Variants in YWHAZ observed in about 807,000 individuals in gnomAD.
The protein encoded by YWHAZ is 14-3-3 protein zeta/delta.
For missense variants in YWHAZ, 79 were observed against 284.8 expected (o/e 0.28, Z 5.20); for synonymous variants, 87 against 103.6 (o/e 0.84, Z 0.97).
In YWHAZ at chr8:100,941,117, T is replaced by C. The variant is rs552413365; in HGVS notation, c.294+7479A>G. On this transcript the variant is annotated intron_variant, in intron 2 of 5. Transcript: ENST00000395958. The stretch of plus-strand genomic sequence containing the variant: ...CTAAAGGACTCATCAAATTGTTGAA[T>C]TGAGAACTTGCCTGTTCTAGGCAAG... 2.6e-5 allele frequency among the ~76,000 whole-genome samples: 4 copies of C among 152,344 alleles called. No homozygotes were observed. The East Asian group carries it at 5.8e-4, about 22-fold the overall frequency.
At chr8:100,925,593 A>G (rs1171553279) in intron 2 of YWHAZ, among the ~76,000 whole-genome samples, 1 of 152,216 alleles carries the variant, frequency 6.6e-6, no homozygotes, top group East Asian at 1.9e-4. Flanking sequence ...CAAAAGTTTT[A>G]TTTTTCCTAA....
intron 2 of YWHAZ, among the ~76,000 whole-genome samples, chr8:100,947,324 T>C (rs562220461): frequency 7.9e-5 from 12 of 152,158 alleles, no homozygotes; most frequent in East Asian, 7.7e-4. Flanking sequence ...AAACAGACAT[T>C]TGTCACTTGG....
intron 2 of YWHAZ, among the ~76,000 whole-genome samples, chr8:100,932,906 T>C (rs1308495846): frequency 6.6e-6 from 1 of 151,944 alleles, no homozygotes; most frequent in Non-Finnish European, 1.5e-5. Flanking sequence ...AAACAGTGAG[T>C]GCATAATGGT....
At chr8:100,926,452 G>A (rs892413339) in intron 2 of YWHAZ, among the ~76,000 whole-genome samples, 4 of 152,128 alleles carry the variant, frequency 2.6e-5, no homozygotes, top group Non-Finnish European at 4.4e-5. Flanking sequence ...TCAACATGGT[G>A]AAACCCTGTC....
intron 1 of YWHAZ, chr8:100,951,082 A>AC: frequency 1.7e-6 from 1 of 599,056 alleles, no homozygotes; most frequent in Non-Finnish European, 2.1e-6. Context: ...AAAAAGTCAG[A>AC]CCCATCCCCC....
Position 100,948,220 on chromosome 8 carries a change from C to T in YWHAZ, c.294+376G>A, listed in dbSNP as rs1810452046. The T allele has an allele frequency of 7.8e-7, 1 of 1,280,792 alleles. No individual in the cohort carries two copies. Among genetic ancestry groups the T allele is most frequent in the Non-Finnish European group, 1.1e-6 (1 of 947,806 alleles). 79.3% of individuals were successfully genotyped at this position (1,280,792 alleles called of 1,614,324 possible). On this transcript the variant is annotated intron_variant, in intron 2 of 5. Coordinates refer to ENST00000395958, the MANE Select transcript of YWHAZ (RefSeq NM_145690.3). The surrounding 1 kb of genome is among the most constrained non-coding windows in gnomAD (Gnocchi z 4.2). Reference sequence around the variant, plus strand: ...TGAGTATCCTATTACATCTCTCTTACCTAAAGTATGTAAAATTCCTTTATC... The same window carrying T: ...TGAGTATCCTATTACATCTCTCTTATCTAAAGTATGTAAAATTCCTTTATC...
Position 100,922,181 on chromosome 8 carries a change from G to A in YWHAZ, c.679-1429C>T, listed in dbSNP as rs1301910064. On this transcript the variant is annotated intron_variant, in intron 5 of 5. Transcript: ENST00000395958. This position sits in a 1 kb window ranked among gnomAD's most constrained non-coding sequence, Gnocchi z 4.1. ...ATTTTCTGTATAAACATGCAAATTT[G>A]ATACAAAATATTTCTTTTTCTAGAG... 6.6e-6 allele frequency among the ~76,000 whole-genome samples: 1 copy of A among 152,118 alleles called. No homozygotes were observed. The highest frequency in any genetic ancestry group is 1.5e-5 in the Non-Finnish European group (1 of 68,012).
At chr8:100,951,471 G>A in intron 1 of YWHAZ, 1 of 984,644 alleles carries the variant, frequency 1.0e-6, no homozygotes, top group Non-Finnish European at 1.2e-6. Flanking sequence ...CCACTGCGAT[G>A]CCCGCCGCCG....
intron 2 of YWHAZ, among the ~76,000 whole-genome samples, chr8:100,934,499 G>A (rs1001921580): frequency 4.6e-5 from 7 of 151,872 alleles, no homozygotes; most frequent in African/African-American, 7.3e-5. Flanking sequence ...TCAGGAGTTC[G>A]AGACCAGCCT....
At chr8:100,949,926 C>T (rs946813892) in intron 1 of YWHAZ, among the ~76,000 whole-genome samples, 2 of 152,154 alleles carry the variant, frequency 1.3e-5, no homozygotes, top group Non-Finnish European at 2.9e-5. Context: ...ACAGTGACAC[C>T]ACAGAATAAA....
At chr8:100,937,635 A>G (rs1338851780) in intron 2 of YWHAZ, among the ~76,000 whole-genome samples, 2 of 152,144 alleles carry the variant, frequency 1.3e-5, no homozygotes, top group African/African-American at 4.8e-5. Flanking sequence ...AGCCTCCATA[A>G]CCCATTCTTC....
chr8:100,923,713 C>A, intron 5 of YWHAZ: 1 of 338,658 alleles, frequency 3.0e-6, no homozygotes, highest in Non-Finnish European at 5.3e-6. Flanking sequence ...TTGATACTAA[C>A]AAATTTTAAC....
At chr8:100,942,270 A>G (rs999887010) in intron 2 of YWHAZ, among the ~76,000 whole-genome samples, 3 of 152,222 alleles carry the variant, frequency 2.0e-5, no homozygotes, top group Non-Finnish European at 4.4e-5. Context: ...ATCTGCCAAT[A>G]TGTAAAACTC....
upstream of YWHAZ, chr8:100,952,788 C>T (rs1040543600): frequency 1.3e-5 from 13 of 999,938 alleles, no homozygotes; most frequent in Non-Finnish European, 1.6e-5. Context: ...CTCCCCTTCC[C>T]CGGCTGGGCC....
chr8:100,941,340 C>T (rs1809836933), intron 2 of YWHAZ, among the ~76,000 whole-genome samples: 1 of 152,132 alleles, frequency 6.6e-6, no homozygotes, highest in Non-Finnish European at 1.5e-5. Context: ...AGTCTTGGAT[C>T]AACAAATAGG....
At chr8:100,939,822 C>T (rs897576029) in intron 2 of YWHAZ, among the ~76,000 whole-genome samples, 36 of 152,042 alleles carry the variant, frequency 2.4e-4, no homozygotes, top group Admixed American at 2.6e-4. Context: ...GAGATCGAGA[C>T]CAACCTGGCT....
intron 1 of YWHAZ, chr8:100,951,087 T>TCCCCCA (rs1426947216): frequency 2.5e-6 from 1 of 404,110 alleles, no homozygotes; most frequent in Non-Finnish European, 3.0e-6. Context: ...GTCAGACCCA[T>TCCCCCA]CCCCCACCCC....
At chr8:100,942,643 G>A (rs1394279345) in intron 2 of YWHAZ, among the ~76,000 whole-genome samples, 1 of 152,118 alleles carries the variant, frequency 6.6e-6, no homozygotes, top group Non-Finnish European at 1.5e-5. Context: ...GTCCTAAATC[G>A]AGTAATGAAG....
At chr8:100,936,734 G>A (rs1814174057) in intron 2 of YWHAZ, among the ~76,000 whole-genome samples, 1 of 152,172 alleles carries the variant, frequency 6.6e-6, no homozygotes, top group Admixed American at 6.5e-5. Context: ...CTGGGAGGCA[G>A]AGGTTGCAAA....
Sources: gnomAD v4.1 joint callset for allele counts (sites outside exome capture counted in the v4.1 genomes callset) on GRCh38, gnomAD v4.1.1 for gene constraint, Gnocchi (gnomAD v3.1) non-coding constraint, MANE v1.5 for transcripts, NCBI Gene and HGNC (gene_info 2026-07-23, HGNC 2026-07-21) for gene names.